The following GLRA2 variants were observed in gnomAD, a reference collection of about 807,000 sequenced individuals.
GLRA2 encodes the protein glycine receptor subunit alpha-2.
In GLRA2, 11 loss-of-function variants were observed where a neutral mutation model predicts 31.6. The ratio of observed to expected loss-of-function variants is 0.35; its 90% CI spans 0.22 to 0.58. The LOEUF (loss-of-function observed/expected upper bound fraction) is 0.58, where lower values mean the gene tolerates loss of function less well. GLRA2 is among the 20% of genes least tolerant of loss of function. The probability of loss-of-function intolerance (pLI) is 0.84; values close to 1 mark genes in which losing one functional copy is unlikely to be tolerated. For missense variants in GLRA2, 212 were observed against 351.8 expected, an observed-to-expected ratio of 0.60 and a Z score of 3.18; for synonymous variants, 132 against 134.0, an observed-to-expected ratio of 0.99 and a Z score of 0.10.
At chrX:14,482,184 G>A in the GLRA2 span, among the ~76,000 whole-genome samples, 3 of 111,395 alleles carry the variant, frequency 2.7e-5, no homozygotes, top group African/African-American at 9.8e-5. Flanking sequence ...TATGCCTGGT[G>A]AACACAATTC....
At chrX:14,727,468 C>A (rs943751182) in intron 8 of GLRA2, among the ~76,000 whole-genome samples, 5 of 112,174 alleles carry the variant, frequency 4.5e-5, no homozygotes, top group African/African-American at 1.6e-4. Flanking sequence ...TGGTTGAGAT[C>A]TAATTACCAA....
intron 5 of GLRA2, among the ~76,000 whole-genome samples, chrX:14,605,504 T>C (rs2090324840): frequency 9.0e-6 from 1 of 111,636 alleles, no homozygotes; most frequent in Admixed American, 9.6e-5. Flanking sequence ...GAAAAACATT[T>C]TCTTACATGA....
At chrX:14,656,799 TA>T (rs768447533) in intron 7 of GLRA2, among the ~76,000 whole-genome samples, 108 of 111,806 alleles carry the variant, frequency 9.7e-4, no homozygotes, top group African/African-American at 3.3e-3. Context: ...AGCAAATAAA[TA>T]AAAATATGAA....
At chrX:14,687,613 G>A (rs2091294369) in intron 7 of GLRA2, among the ~76,000 whole-genome samples, 1 of 112,234 alleles carries the variant, frequency 8.9e-6, no homozygotes, top group Admixed American at 9.4e-5. Context: ...TGAAGCTTGT[G>A]CATGCGTCAC....
At chrX:14,521,851 A>G in the GLRA2 span, among the ~76,000 whole-genome samples, 2 of 112,336 alleles carry the variant, frequency 1.8e-5, no homozygotes, top group African/African-American at 6.5e-5. Context: ...TAAAAAATAC[A>G]TTATTGCTAA....
chrX:14,493,627 A>ATATATGTATACACGTG, the GLRA2 span, among the ~76,000 whole-genome samples: 1 of 102,721 alleles, frequency 9.7e-6, no homozygotes, highest in African/African-American at 3.5e-5. Context: ...ATATACACAT[A>ATATATGTATACACGTG]TATACATATA....
the GLRA2 span, among the ~76,000 whole-genome samples, chrX:14,449,245 A>G: frequency 8.9e-6 from 1 of 112,389 alleles, no homozygotes; most frequent in Non-Finnish European, 1.9e-5. Context: ...AGAGCTGCCA[A>G]GTGCCAGGAC....
At chrX:14,708,559 G>A (rs772542968) in intron 8 of GLRA2, among the ~76,000 whole-genome samples, 60 of 111,844 alleles carry the variant, frequency 5.4e-4, no homozygotes, top group Non-Finnish European at 6.4e-4. Flanking sequence ...TCATCACTCC[G>A]TGACCTGCCT....
At chrX:14,654,323 G>T (rs760877555) in intron 7 of GLRA2, among the ~76,000 whole-genome samples, 1 of 110,922 alleles carries the variant, frequency 9.0e-6, no homozygotes, top group Non-Finnish European at 1.9e-5. Flanking sequence ...TTTAAATTAA[G>T]GTATGTACAT....
At chrX:14,497,824 A>C in the GLRA2 span, among the ~76,000 whole-genome samples, 2 of 106,081 alleles carry the variant, frequency 1.9e-5, no homozygotes, top group African/African-American at 6.9e-5. Flanking sequence ...AGACCAACTC[A>C]AAATGTGTCC....
chrX:14,546,014 G>T (rs756930858), intron 2 of GLRA2, among the ~76,000 whole-genome samples: 1 of 111,078 alleles, frequency 9.0e-6, no homozygotes, highest in South Asian at 3.8e-4. Context: ...TTTTTCAGAG[G>T]CCTTTTTAAA....
At chrX:14,630,376 T>A (rs2090630905) in intron 7 of GLRA2, among the ~76,000 whole-genome samples, 1 of 111,678 alleles carries the variant, frequency 9.0e-6, no homozygotes, top group Non-Finnish European at 1.9e-5. Flanking sequence ...TTTTAACTAT[T>A]TTCATTTTTA....
At chrX:14,605,255 A>G (rs1162478634) in intron 5 of GLRA2, among the ~76,000 whole-genome samples, 1 of 111,799 alleles carries the variant, frequency 8.9e-6, no homozygotes, top group African/African-American at 3.2e-5. Context: ...GTTTAGAAAA[A>G]GAATATATGT....
At chrX:14,604,500 T>C (rs2090311538) in intron 5 of GLRA2, 103 bp downstream of exon 5, 1 of 473,698 alleles carries the variant, frequency 2.1e-6, no homozygotes. Flanking sequence ...TCATTCCCTA[T>C]ATACTGACCA....
At chrX:14,572,314 C>T (rs1441951501) in intron 2 of GLRA2, among the ~76,000 whole-genome samples, 4 of 111,941 alleles carry the variant, frequency 3.6e-5, no homozygotes, top group Non-Finnish European at 5.6e-5. Flanking sequence ...TCTCTTTTTC[C>T]TGTTTATTTT....
intron 7 of GLRA2, among the ~76,000 whole-genome samples, chrX:14,677,979 T>C (rs963505977): frequency 1.8e-5 from 2 of 112,183 alleles, no homozygotes; most frequent in African/African-American, 3.2e-5. Flanking sequence ...CTGTGCATAA[T>C]AGGATGTTTA....
the GLRA2 span, among the ~76,000 whole-genome samples, chrX:14,469,181 T>G: frequency 2.7e-5 from 3 of 111,477 alleles, no homozygotes; most frequent in African/African-American, 9.8e-5. Context: ...TAGATCCCAT[T>G]TGTCAATTTT....
intron 8 of GLRA2, among the ~76,000 whole-genome samples, chrX:14,715,798 C>A (rs2091776425): frequency 1.8e-5 from 2 of 111,431 alleles, no homozygotes; most frequent in African/African-American, 6.5e-5. Context: ...GAATGTCACA[C>A]AAAGGAGCTT....
chrX:14,491,641 G>A, the GLRA2 span, among the ~76,000 whole-genome samples: 1 of 111,635 alleles, frequency 9.0e-6, no homozygotes, highest in Non-Finnish European at 1.9e-5. Context: ...CTGGGCATCA[G>A]GATTTCTAAC....
Sources: gnomAD v4.1 joint callset for allele counts (sites outside exome capture counted in the v4.1 genomes callset) on GRCh38, gnomAD v4.1.1 for gene constraint, MANE v1.5 for transcripts, NCBI Gene and HGNC (gene_info 2026-07-23, HGNC 2026-07-21) for gene names.